The following STXBP5L variants were observed in gnomAD, a reference collection of about 807,000 sequenced individuals.
STXBP5L encodes syntaxin-binding protein 5-like.
STXBP5L carries 65 observed loss-of-function variants against 144.5 expected under a neutral mutation model. That is an observed-to-expected ratio of 0.45 (90% confidence interval 0.37 to 0.55). The LOEUF is 0.55. STXBP5L is among the 20% of genes least tolerant of loss of function. The pLI is 0.00. For missense variants in STXBP5L, 1,298 were observed against 1,405.5 expected, an observed-to-expected ratio of 0.92 and a Z score of 1.22; for synonymous variants, 505 against 469.6, an observed-to-expected ratio of 1.08 and a Z score of -0.97.
rs1329916549 is a variant in STXBP5L at position 121,381,407 on chromosome 3, A to G, written c.2462A>G (p.Asn821Ser). The G allele has an allele frequency of 1.9e-6, 3 of 1,610,658 alleles. No individual in the cohort carries two copies. Among genetic ancestry groups the G allele is most frequent in the Admixed American group, 1.7e-5 (1 of 59,038 alleles). ...LYFMDSFARK[N>S]DSTISPCLFV... The stretch of plus-strand genomic sequence containing the variant: ...TTCATGGACTCCTTTGCACGGAAAA[A>G]TGACTCTACCATCTCTCCTTGTCTG... Residue 821 changes from asparagine (N) to serine (S), a missense_variant, in exon 22 of 27, where the codon AAT becomes AGT. Physicochemically the swap from Asn to Ser is conservative, Grantham distance 46. Coordinates refer to ENST00000471454, the MANE Select transcript of STXBP5L (RefSeq NM_001308330.2).
chr3:121,333,556 CA>C (rs35689465), intron 20 of STXBP5L, among the ~76,000 whole-genome samples: 27 of 136,088 alleles, frequency 2.0e-4, no homozygotes, highest in African/African-American at 4.3e-4. Context: ...GACACACACA[CA>C]AAAAAAAAAC....
intron 9 of STXBP5L, among the ~76,000 whole-genome samples, chr3:121,171,416 T>A (rs901473481): frequency 6.6e-6 from 1 of 152,186 alleles, no homozygotes; most frequent in African/African-American, 2.4e-5. Flanking sequence ...GAAGTCATAT[T>A]GTCTCTGTTA....
chr3:121,052,562 C>G (rs997135187), intron 5 of STXBP5L, among the ~76,000 whole-genome samples: 6 of 152,198 alleles, frequency 3.9e-5, no homozygotes, highest in African/African-American at 7.2e-5. Context: ...ATGCTAAAAA[C>G]TCTCAACAAA....
intron 2 of STXBP5L, among the ~76,000 whole-genome samples, chr3:120,933,297 A>AT (rs761938362): frequency 1.3e-5 from 2 of 152,058 alleles, no homozygotes; most frequent in Non-Finnish European, 2.9e-5. Flanking sequence ...TAATATTCTG[A>AT]TTTTTTACCT....
intron 20 of STXBP5L, among the ~76,000 whole-genome samples, chr3:121,369,117 CT>C (rs2045953035): frequency 6.6e-6 from 1 of 152,214 alleles, no homozygotes; most frequent in African/African-American, 2.4e-5. Context: ...ATGTGCACAG[CT>C]GCCTGGCAGG....
At chr3:120,979,088 G>C (rs915316278) in intron 3 of STXBP5L, among the ~76,000 whole-genome samples, 7 of 152,172 alleles carry the variant, frequency 4.6e-5, no homozygotes, top group Non-Finnish European at 1.0e-4. Flanking sequence ...TGTCAGACAG[G>C]GACATTTAAG....
intron 5 of STXBP5L, among the ~76,000 whole-genome samples, chr3:121,054,146 C>A (rs555063110): frequency 6.6e-6 from 1 of 152,268 alleles, no homozygotes; most frequent in East Asian, 1.9e-4. Context: ...GTTGGTGGGA[C>A]TGTAATCTAG....
chr3:120,951,551 A>G (rs1026353397), intron 2 of STXBP5L, among the ~76,000 whole-genome samples: 1 of 152,180 alleles, frequency 6.6e-6, no homozygotes, highest in African/African-American at 2.4e-5. Flanking sequence ...AACACATGAA[A>G]AAATGCTCAC....
chr3:121,039,633 A>T (rs1170198754), intron 3 of STXBP5L, among the ~76,000 whole-genome samples: 2 of 151,798 alleles, frequency 1.3e-5, no homozygotes, highest in Non-Finnish European at 2.9e-5. Context: ...TCTGTTCATG[A>T]TGAATTATTT....
chr3:121,354,503 C>T lies in STXBP5L; in HGVS notation c.2177-24213C>T, dbSNP rs61796937. 2.9e-3 allele frequency among the ~76,000 whole-genome samples: 402 copies of T among 136,998 alleles called. 1 individual carries two copies. The highest frequency in any genetic ancestry group is 4.7e-3 in the Non-Finnish European group (299 of 64,282). The allele number at this position is 136,998 out of a possible 152,430, so 89.9% of individuals were successfully genotyped here. On this transcript the variant is annotated intron_variant, in intron 20 of 26. Coordinates refer to ENST00000471454, the MANE Select transcript of STXBP5L (RefSeq NM_001308330.2). Reference sequence around the variant, plus strand: ...CTTTTGTCAGAGGCTAGAATTGCAACCCTGCTTTTTTTTTTTTTTTTTTTT... The same window carrying T: ...CTTTTGTCAGAGGCTAGAATTGCAATCCTGCTTTTTTTTTTTTTTTTTTTT...
At chr3:121,292,980 A>G (rs964606440) in intron 19 of STXBP5L, among the ~76,000 whole-genome samples, 3 of 152,210 alleles carry the variant, frequency 2.0e-5, no homozygotes, top group Non-Finnish European at 4.4e-5. Flanking sequence ...AATCACCACT[A>G]CTTATCCATG....
At chr3:121,324,959 T>G (rs1216376580) in intron 20 of STXBP5L, among the ~76,000 whole-genome samples, 1 of 151,986 alleles carries the variant, frequency 6.6e-6, no homozygotes, top group Non-Finnish European at 1.5e-5. Context: ...TTTTTTATAT[T>G]CTCTGTAATT....
intron 7 of STXBP5L, among the ~76,000 whole-genome samples, chr3:121,147,777 A>G (rs74382516): frequency 6.6e-6 from 1 of 152,128 alleles, no homozygotes; most frequent in African/African-American, 2.4e-5. Context: ...GGTCTCATCA[A>G]TCAGCTGAAG....
chr3:121,136,992 C>G (rs1169095753), intron 7 of STXBP5L, among the ~76,000 whole-genome samples: 1 of 152,174 alleles, frequency 6.6e-6, no homozygotes, highest in Non-Finnish European at 1.5e-5. Flanking sequence ...AAACCAAATA[C>G]TCCATGTGCT....
chr3:121,043,922 C>T (rs1947331977), intron 4 of STXBP5L, among the ~76,000 whole-genome samples: 1 of 152,108 alleles, frequency 6.6e-6, no homozygotes, highest in Non-Finnish European at 1.5e-5. Flanking sequence ...GAACTTCCAC[C>T]TCTCTGAGAA....
At chr3:121,097,852 A>G (rs936222701) in intron 5 of STXBP5L, among the ~76,000 whole-genome samples, 2 of 152,188 alleles carry the variant, frequency 1.3e-5, no homozygotes, top group African/African-American at 2.4e-5. Context: ...AATACAATGG[A>G]TGCCATTACT....
chr3:121,054,745 T>C (rs189609755), intron 5 of STXBP5L, among the ~76,000 whole-genome samples: 1 of 151,400 alleles, frequency 6.6e-6, no homozygotes, highest in East Asian at 1.9e-4. Flanking sequence ...ATAATAATAA[T>C]AAAATTTTAA....
chr3:121,132,860 G>T (rs1439329756), intron 7 of STXBP5L, among the ~76,000 whole-genome samples: 1 of 151,996 alleles, frequency 6.6e-6, no homozygotes, highest in Non-Finnish European at 1.5e-5. Context: ...ATCACTAGAG[G>T]GGTCAATAGC....
chr3:121,403,806 C>A (rs2046937493), intron 22 of STXBP5L, among the ~76,000 whole-genome samples: 1 of 152,140 alleles, frequency 6.6e-6, no homozygotes, highest in African/African-American at 2.4e-5. Flanking sequence ...ACCATTCCTA[C>A]CTTAAAACAC....
Sources: gnomAD v4.1 joint callset for allele counts (sites outside exome capture counted in the v4.1 genomes callset) on GRCh38, gnomAD v4.1.1 for gene constraint, MANE v1.5 for transcripts, NCBI Gene and HGNC (gene_info 2026-07-23, HGNC 2026-07-21) for gene names.